ZNF606: variants seen among roughly 807,000 people sequenced by gnomAD.
ZNF606 encodes the protein zinc finger protein 328.
Under a neutral mutation model 74.9 loss-of-function variants are expected in ZNF606, and 37 were observed. That is an observed-to-expected ratio of 0.49 (90% CI 0.38 to 0.65). The LOEUF is 0.65. ZNF606 is among the 30% of genes least tolerant of loss of function. The pLI is 0.00. For synonymous variants in ZNF606, 328 were observed against 312.4 expected, an observed-to-expected ratio of 1.05 and a Z score of -0.53; for missense variants, 852 against 952.9, an observed-to-expected ratio of 0.89 and a Z score of 1.39.
intron 4 of ZNF606, chr19:57,997,879 A>T (rs745709250): frequency 2.0e-5 from 3 of 152,198 alleles, no homozygotes; most frequent in Non-Finnish European, 4.4e-5. Context: ...CCAAGTTCTG[A>T]TGCCAGGCAA....
At chr19:58,001,471 G>A (rs942725711) in intron 1 of ZNF606, 101 bp from the exon 2 acceptor site, 1 of 835,404 alleles carries the variant, frequency 1.2e-6, no homozygotes, top group African/African-American at 1.7e-5. Context: ...AAAAAAACTT[G>A]TAAGGAGCAT....
At chr19:57,988,098 G>C (rs2073192322) in intron 6 of ZNF606, 109 bp downstream of exon 6, 3 of 791,412 alleles carry the variant, frequency 3.8e-6, no homozygotes. Context: ...GCTCCTTAGA[G>C]GGAATTCTAA....
chr19:57,982,969 T>G (rs2073108935), intron 6 of ZNF606, among the ~76,000 whole-genome samples: 1 of 143,802 alleles, frequency 7.0e-6, no homozygotes, highest in African/African-American at 2.6e-5. Flanking sequence ...ATAACAGAGG[T>G]TCTACTCTGC....
chr19:58,002,638 G>A lies in ZNF606; in HGVS notation c.-294C>T, dbSNP rs773982976. 21 of 453,266 alleles carry A rather than the reference G, an allele frequency of 4.6e-5. No individual in the cohort carries two copies. Among genetic ancestry groups the A allele is most frequent in the African/African-American group, 1.4e-4 (7 of 49,794 alleles). The allele number at this position is 453,266 out of a possible 1,614,324, so 28.1% of individuals were successfully genotyped here. The stretch of plus-strand genomic sequence containing the variant: ...GGCCGGAGGCAGGCTGCTGGCTGGA[G>A]AACCGACGGCAACGACGGCGCAAAG... On this transcript the variant is annotated 5_prime_UTR_variant, in exon 1 of 7. Coordinates refer to ENST00000551380, the MANE Select transcript of ZNF606 (RefSeq NM_001348022.3).
chr19:57,990,051 CAAAAAAAA>C (rs1159494660), intron 4 of ZNF606, among the ~76,000 whole-genome samples: 14 of 13,840 alleles, frequency 1.0e-3, no homozygotes, highest in African/African-American at 2.3e-3. Flanking sequence ...GACTCCATCT[CAAAAAAAA>C]AAAAAAAAAA....
intron 4 of ZNF606, among the ~76,000 whole-genome samples, chr19:57,989,856 C>T (rs969710445): frequency 2.7e-5 from 4 of 150,786 alleles, no homozygotes; most frequent in Non-Finnish European, 5.9e-5. Context: ...ATGAGACCAT[C>T]CTGGCCAACA....
At chr19:57,991,771 C>T (rs2073265045) in intron 4 of ZNF606, among the ~76,000 whole-genome samples, 1 of 138,514 alleles carries the variant, frequency 7.2e-6, no homozygotes, top group South Asian at 2.3e-4. Flanking sequence ...CAGAGTGAAA[C>T]TCTGTCTCAA....
At chr19:58,002,945 C>T (rs748090577), upstream of ZNF606, 20 of 455,656 alleles carry the variant, frequency 4.4e-5, no homozygotes, top group South Asian at 3.1e-4. Context: ...GGGGTTGGGA[C>T]CTTTCTGGCA....
In ZNF606 at chr19:57,999,818, G is replaced by T. The variant is rs778387781; in HGVS notation, c.167C>A (p.Ala56Asp). ...ACAGCCCCATCTCACCTGAACCTGG[G>T]CTGCTGGGAGCCCAGTGGCCCTCCT... is the stretch of plus-strand genomic sequence containing the variant. ...EGRRATGLPA[A>D]QVQEPVTFKD... Residue 56 changes from alanine to aspartate, a missense_variant, in exon 4 of 7, where the codon GCC becomes GAC. By Grantham distance (126) the Ala-to-Asp change is moderately radical. Coordinates refer to ENST00000551380, the MANE Select transcript of ZNF606 (RefSeq NM_001348022.3). 2 of 1,614,048 alleles carry T rather than the reference G, an allele frequency of 1.2e-6. No individual in the cohort carries two copies. Among genetic ancestry groups the T allele is most frequent in the Non-Finnish European group, 1.7e-6 (2 of 1,180,010 alleles).
chr19:57,980,081 A>C lies in ZNF606; in HGVS notation c.599T>G (p.Met200Arg). 1 of 1,613,916 alleles carries C rather than the reference A, an allele frequency of 6.2e-7. No homozygotes were observed. Among genetic ancestry groups the C allele is most frequent in the Non-Finnish European group, 8.5e-7 (1 of 1,180,038 alleles). ...QSTAMRQMVF[M>R]QKQVLSQRSS... ...TCTCTGGGATAGTACTTGCTTTTGC[A>C]TGAAGACCATCTGCCTCATAGCTGT... Residue 200 changes from methionine to arginine, a missense_variant, in exon 7 of 7, where the codon ATG becomes AGG. Around this residue, in one of 3 missense-constraint regions of ZNF606, gnomAD observed 545 missense variants for 542.5 expected, o/e 1.00. Transcript: ENST00000551380.
chr19:57,983,981 T>G (rs569990212), intron 6 of ZNF606, among the ~76,000 whole-genome samples: 2 of 152,308 alleles, frequency 1.3e-5, no homozygotes, highest in Admixed American at 1.3e-4. Context: ...GATATAAATC[T>G]AGAAATAGTA....
chr19:57,991,168 G>C (rs1365420510), intron 4 of ZNF606, among the ~76,000 whole-genome samples: 1 of 152,058 alleles, frequency 6.6e-6, no homozygotes, highest in Non-Finnish European at 1.5e-5. Context: ...CCGTTTTCCT[G>C]TTCCTTGGTA....
At chr19:58,001,641 C>A (rs1273651684) in intron 1 of ZNF606, among the ~76,000 whole-genome samples, 8 of 152,130 alleles carry the variant, frequency 5.3e-5, no homozygotes. Flanking sequence ...ACAGATGGAA[C>A]TTTTGGATTA....
rs142065196 is a variant in ZNF606 at position 57,979,530 on chromosome 19, C to T, written c.1150G>A (p.Asp384Asn). ...CTTGTATGTTGAGTAAGGAAAGAGT[C>T]ATACCCAAAGACTTTCTCCCATTCA... is the stretch of plus-strand genomic sequence containing the variant. Reference protein sequence around the residue: ...YNEWEKVFGYDSFLTQHTSTY... With the variant: ...YNEWEKVFGYNSFLTQHTSTY... Residue 384 changes from aspartate (D) to asparagine (N), a missense_variant, in exon 7 of 7, where the codon GAC becomes AAC. Asp to Asn is a conservative substitution (Grantham distance 23, BLOSUM62 1). Around this residue, in one of 3 missense-constraint regions of ZNF606, gnomAD observed 545 missense variants for 542.5 expected, o/e 1.00. Transcript: ENST00000551380. The T allele has an allele frequency of 1.5e-4, 243 of 1,613,398 alleles. 3 individuals carry two copies. The African/African-American group carries it at 3.1e-3, about 20-fold the overall frequency.
At position 57,978,592 on chromosome 19, in the gene ZNF606, A is replaced by T. The variant is rs758060497; in HGVS notation, c.2088T>A (p.Ile696=). The part of the protein sequence containing the change: ...ERSFNCSSHL[I]AHRRTHTGEK... ...CTCCAGTATGAGTTCTCCGGTGTGC[A>T]ATGAGGTGAGAACTACAGTTAAAGG... The change falls in exon 7 of 7, where the codon ATT becomes ATA. Residue 696 remains isoleucine, a synonymous_variant. Transcript: ENST00000551380. The surrounding 1 kb of genome is among the most constrained non-coding windows in gnomAD (Gnocchi z 4.4). The T allele has an allele frequency of 3.0e-5, 48 of 1,614,092 alleles. No individual in the cohort carries two copies. The East Asian group carries it at 1.1e-3, about 36-fold the overall frequency.
At chr19:58,000,839 T>G in intron 2 of ZNF606, 100 bp from the exon 3 acceptor site, 1 of 1,175,844 alleles carries the variant, frequency 8.5e-7, no homozygotes, top group Non-Finnish European at 1.2e-6. Flanking sequence ...ACTACAAAAT[T>G]CCATAAACAG....
chr19:57,983,948 A>C (rs1385498717), intron 6 of ZNF606, among the ~76,000 whole-genome samples: 1 of 152,214 alleles, frequency 6.6e-6, no homozygotes, highest in African/African-American at 2.4e-5. Context: ...ACTGACAGGG[A>C]TCTCATAATC....
In ZNF606 at chr19:57,979,356, C is replaced by G; in HGVS notation, c.1324G>C (p.Ala442Pro). The change falls in exon 7 of 7, where the codon GCC (alanine) becomes CCC (proline). Residue 442 changes from alanine (A) to proline (P), a missense_variant. Around this residue, in one of 3 missense-constraint regions of ZNF606, gnomAD observed 545 missense variants for 542.5 expected, o/e 1.00. Coordinates refer to ENST00000551380, the MANE Select transcript of ZNF606 (RefSeq NM_001348022.3). ...KCGKVFRNRSALTKHERTHTG... is the reference protein window; with the variant it reads ...KCGKVFRNRSPLTKHERTHTG... ...TGAGTCCGTTCATGTTTCGTAAGGG[C>G]TGAGCGATTCCTAAAAACTTTTCCA... The G allele has an allele frequency of 6.2e-7, 1 of 1,613,144 alleles. No homozygotes were observed. Among genetic ancestry groups the G allele is most frequent in the South Asian group, 1.1e-5 (1 of 90,934 alleles).
intron 4 of ZNF606, among the ~76,000 whole-genome samples, chr19:57,993,933 C>T (rs2073297949): frequency 6.6e-6 from 1 of 152,128 alleles, no homozygotes; most frequent in Admixed American, 6.6e-5. Context: ...GGACTTCCAG[C>T]CTCACAGCCC....
Sources: gnomAD v4.1 joint callset for allele counts (sites outside exome capture counted in the v4.1 genomes callset) on GRCh38, gnomAD v4.1.1 for gene constraint, gnomAD v4.1.1 regional missense constraint, Gnocchi (gnomAD v3.1) non-coding constraint, MANE v1.5 for transcripts, NCBI Gene and HGNC (gene_info 2026-07-23, HGNC 2026-07-21) for gene names.